Variants in KCNMB2 observed in about 807,000 individuals in gnomAD.
The protein encoded by KCNMB2 is potassium calcium-activated channel subfamily M regulatory beta subunit 2.
A neutral mutation model predicts 24.5 loss-of-function variants in KCNMB2; 9 were observed. The observed-to-expected ratio is 0.37, with a 90% CI of 0.22 to 0.64. The LOEUF is 0.64. KCNMB2 is among the 30% of genes least tolerant of loss of function. The probability of loss-of-function intolerance (pLI) is 0.63; values close to 1 mark genes in which losing one functional copy is unlikely to be tolerated. For synonymous variants in KCNMB2, 109 were observed against 104.4 expected (o/e 1.04, Z -0.27); for missense variants, 226 against 284.3 (o/e 0.79, Z 1.47).
chr3:178,817,475 G>A (rs1036130543), intron 2 of KCNMB2, among the ~76,000 whole-genome samples: 1 of 152,066 alleles, frequency 6.6e-6, no homozygotes, highest in Non-Finnish European at 1.5e-5. Context: ...GAATGGCTGT[G>A]TTCATCAAAG....
chr3:178,712,712 G>A lies in KCNMB2; in HGVS notation c.-67-94631G>A, dbSNP rs572195433. Among the ~76,000 whole-genome samples the A allele has an allele frequency of 7.3e-4, 111 of 152,270 alleles. No homozygotes were observed. The Middle Eastern group carries it at 0.01, about 14-fold the overall frequency. ...AGTTAACTTGCCCAAGGTCGTACAC[G>A]TGATAAATATCAGAGCCAGGATTCA... On this transcript the variant is annotated intron_variant, in intron 1 of 4. Coordinates refer to ENST00000452583, the MANE Select transcript of KCNMB2 (RefSeq NM_181361.3).
intron 1 of KCNMB2, among the ~76,000 whole-genome samples, chr3:178,544,873 T>C (rs1715727380): frequency 6.6e-6 from 1 of 152,228 alleles, no homozygotes; most frequent in African/African-American, 2.4e-5. Flanking sequence ...ATGTTTTTTA[T>C]AAATCTCAGG....
At chr3:178,728,502 G>A (rs1723037411) in intron 1 of KCNMB2, among the ~76,000 whole-genome samples, 1 of 152,116 alleles carries the variant, frequency 6.6e-6, no homozygotes, top group South Asian at 2.1e-4. Flanking sequence ...ATTTCTAAGA[G>A]AAGTTATGAA....
intron 1 of KCNMB2, among the ~76,000 whole-genome samples, chr3:178,720,477 G>A (rs1722763276): frequency 1.8e-5 from 2 of 109,242 alleles, no homozygotes; most frequent in East Asian, 2.2e-4. Flanking sequence ...ATGATTTATA[G>A]TCCTTTGGGT....
intron 2 of KCNMB2, among the ~76,000 whole-genome samples, chr3:178,812,513 T>TA (rs1399745715): frequency 6.6e-6 from 1 of 151,508 alleles, no homozygotes; most frequent in Non-Finnish European, 1.5e-5. Flanking sequence ...ATATTCTAAA[T>TA]TAACAATTTT....
intron 1 of KCNMB2, among the ~76,000 whole-genome samples, chr3:178,772,796 G>A (rs1449858580): frequency 6.6e-6 from 1 of 152,198 alleles, no homozygotes; most frequent in Non-Finnish European, 1.5e-5. Flanking sequence ...ACATGTAGAA[G>A]TAGGTAGATG....
rs549200036 is a variant in KCNMB2, at chr3:178,553,042, GC to G, written c.-68+16332del. On this transcript the variant is annotated intron_variant, in intron 1 of 4. Transcript: ENST00000452583. ...TTATCTTAGCTGGATTTTTGTCACT[GC>G]TTGTCAACATGCTTCCTCTGCAGTG... is the stretch of plus-strand genomic sequence containing the variant. Among the ~76,000 whole-genome samples, 73 of 152,314 alleles carry G rather than the reference GC, an allele frequency of 4.8e-4. 1 individual carries two copies. The Middle Eastern group carries it at 0.01, about 21-fold the overall frequency.
At chr3:178,741,407 C>A (rs148247652) in intron 1 of KCNMB2, among the ~76,000 whole-genome samples, 1 of 152,052 alleles carries the variant, frequency 6.6e-6, no homozygotes, top group Non-Finnish European at 1.5e-5. Flanking sequence ...GGGAAAATAT[C>A]TCTTGTTTTT....
At chr3:178,645,092 C>A (rs1719872970) in intron 1 of KCNMB2, among the ~76,000 whole-genome samples, 1 of 146,228 alleles carries the variant, frequency 6.8e-6, no homozygotes, top group Non-Finnish European at 1.5e-5. Context: ...CTCTTGTTGC[C>A]CAGACTGGAG....
chr3:178,733,610 A>T (rs1193908596), intron 1 of KCNMB2, among the ~76,000 whole-genome samples: 2 of 152,010 alleles, frequency 1.3e-5, no homozygotes, highest in East Asian at 1.9e-4. Context: ...CCTCCCTAGT[A>T]GCTGGGACTA....
chr3:178,625,672 A>C (rs2108531957), intron 1 of KCNMB2, among the ~76,000 whole-genome samples: 1 of 152,344 alleles, frequency 6.6e-6, no homozygotes, highest in African/African-American at 2.4e-5. Flanking sequence ...GACAGCCCTA[A>C]GTTCAAATAC....
At chr3:178,657,049 C>T (rs1218479410) in intron 1 of KCNMB2, among the ~76,000 whole-genome samples, 1 of 152,174 alleles carries the variant, frequency 6.6e-6, no homozygotes. Flanking sequence ...TGCTCTCTGT[C>T]TCTCAGTACC....
chr3:178,797,695 G>A (rs562665411), intron 1 of KCNMB2, among the ~76,000 whole-genome samples: 7 of 152,254 alleles, frequency 4.6e-5, no homozygotes, highest in East Asian at 1.9e-4. Context: ...AGTTTAATGG[G>A]AATAGCATTG....
chr3:178,811,081 C>T (rs2108455101), intron 2 of KCNMB2, among the ~76,000 whole-genome samples: 1 of 152,038 alleles, frequency 6.6e-6, no homozygotes, highest in East Asian at 1.9e-4. Context: ...AGCAAACAAA[C>T]AGAATAATTA....
intron 1 of KCNMB2, among the ~76,000 whole-genome samples, chr3:178,656,581 T>G (rs1720351258): frequency 6.6e-6 from 1 of 151,982 alleles, no homozygotes; most frequent in Non-Finnish European, 1.5e-5. Context: ...GAGACCAGTC[T>G]GGACAACAAG....
intron 1 of KCNMB2, among the ~76,000 whole-genome samples, chr3:178,755,833 T>C (rs985518011): frequency 3.3e-5 from 5 of 152,202 alleles, no homozygotes; most frequent in African/African-American, 7.2e-5. Context: ...CTTTTCAAAA[T>C]TAGCCACATG....
chr3:178,670,212 C>A (rs764130239), intron 1 of KCNMB2, among the ~76,000 whole-genome samples: 10 of 152,102 alleles, frequency 6.6e-5, no homozygotes, highest in Non-Finnish European at 1.3e-4. Context: ...TCAAATCCCT[C>A]CTTCATAGCA....
chr3:178,728,479 C>T (rs566250755), intron 1 of KCNMB2, among the ~76,000 whole-genome samples: 1 of 152,228 alleles, frequency 6.6e-6, no homozygotes, highest in East Asian at 1.9e-4. Flanking sequence ...GTGACACAAA[C>T]AGACAGATTA....
intron 1 of KCNMB2, among the ~76,000 whole-genome samples, chr3:178,676,454 A>G (rs532380407): frequency 2.0e-4 from 30 of 152,232 alleles, no homozygotes; most frequent in African/African-American, 7.2e-4. Context: ...CCTAACATCC[A>G]AAGTCCGTCT....
Sources: gnomAD v4.1 joint callset for allele counts (sites outside exome capture counted in the v4.1 genomes callset) on GRCh38, gnomAD v4.1.1 for gene constraint, MANE v1.5 for transcripts, NCBI Gene and HGNC (gene_info 2026-07-23, HGNC 2026-07-21) for gene names.